The following PTOV1 variants were observed in gnomAD, a reference collection of about 807,000 sequenced individuals.
PTOV1 encodes the protein prostate tumor-overexpressed gene 1 protein.
In PTOV1, 20 loss-of-function variants were observed where a neutral mutation model predicts 58.0. The observed-to-expected ratio is 0.34, with a 90% CI of 0.24 to 0.50. The LOEUF is 0.50. Among genes scored for constraint, PTOV1 ranks in the 20% least tolerant of loss-of-function variants. The pLI is 0.98. For missense variants in PTOV1, 593 were observed against 565.4 expected, an observed-to-expected ratio of 1.05 and a Z score of -0.50; for synonymous variants, 335 against 234.2, an observed-to-expected ratio of 1.43 and a Z score of -3.93.
At chr19:49,859,871 A>T (rs1477181479) in intron 10 of PTOV1, 115 bp from the exon 11 acceptor site, 9 of 1,144,146 alleles carry the variant, frequency 7.9e-6, no homozygotes, top group Non-Finnish European at 1.0e-5. Flanking sequence ...GGGGGGTGTG[A>T]GGACAGAGCA....
chr19:49,850,946 A>T (rs755509731), upstream of PTOV1: 5 of 1,534,764 alleles, frequency 3.3e-6, no homozygotes, highest in South Asian at 1.2e-5. Flanking sequence ...TTCTTCTGCC[A>T]CCCCATTCGG....
intron 6 of PTOV1, chr19:49,857,347 G>A (rs546652273): frequency 1.6e-5 from 11 of 675,902 alleles, no homozygotes; most frequent in African/African-American, 5.4e-5. Context: ...GTCTTGGCGC[G>A]GCGGCAGGGA....
At chr19:49,859,812 T>G in intron 10 of PTOV1, 174 bp from the exon 11 acceptor site, 1 of 671,546 alleles carries the variant, frequency 1.5e-6, no homozygotes. Flanking sequence ...CACCCATTGC[T>G]CTTGGCCACC....
At chr19:49,856,684 G>A in intron 5 of PTOV1, 1 of 413,518 alleles carries the variant, frequency 2.4e-6, no homozygotes, top group South Asian at 3.2e-5. Context: ...AGGCAGTCAG[G>A]AGGGCTGGCG....
rs368050169 is a variant in PTOV1, at chr19:49,857,926, G to A, written c.827G>A (p.Arg276Gln). 27 of 1,613,876 alleles carry A rather than the reference G, an allele frequency of 1.7e-5. No individual in the cohort carries two copies. The highest frequency in any genetic ancestry group is 1.0e-4 in the Admixed American group (6 of 59,996). The change falls in exon 8 of 12, where the codon CGG becomes CAG. Residue 276 changes from arginine (R) to glutamine (Q), a missense_variant. Coordinates refer to ENST00000391842, the Ensembl canonical transcript of PTOV1. ...AAGCCCAGGCCTGAGCCCAACAGTC[G>A]GTCCAAGAGGTGGCTGCCATCCCAC...
At chr19:49,858,727 C>A in intron 10 of PTOV1, 74 bp downstream of exon 10, 2 of 1,265,384 alleles carry the variant, frequency 1.6e-6, no homozygotes, top group South Asian at 1.3e-5. Flanking sequence ...CGGGGGCGGA[C>A]ATGGGAGAGG....
intron 1 of PTOV1, among the ~76,000 whole-genome samples, chr19:49,854,064 C>T (rs1418245219): frequency 1.3e-5 from 2 of 152,234 alleles, no homozygotes; most frequent in African/African-American, 2.4e-5. Context: ...AAGCCCCCTA[C>T]AGCTGGCTTC....
exon 2 of PTOV1, chr19:49,854,488 A>T: frequency 1.2e-6 from 2 of 1,612,792 alleles, no homozygotes; most frequent in Non-Finnish European, 1.7e-6. Flanking sequence ...GCCGTGAGCG[A>T]GCACCGGCTC....
intron 1 of PTOV1, among the ~76,000 whole-genome samples, chr19:49,853,739 T>G (rs2122189686): frequency 6.6e-6 from 1 of 152,350 alleles, no homozygotes; most frequent in African/African-American, 2.4e-5. Flanking sequence ...GAGACCCCTC[T>G]GGGGGTGGTG....
At chr19:49,853,594 G>A (rs2074342865) in intron 1 of PTOV1, among the ~76,000 whole-genome samples, 2 of 149,582 alleles carry the variant, frequency 1.3e-5, no homozygotes, top group South Asian at 2.2e-4. Context: ...TCCAGTCTGG[G>A]AAATGAGTGA....
rs2074377235 is a variant in PTOV1, at chr19:49,854,551, T to C, written c.309+8T>C. On this transcript the variant is annotated splice_region_variant and intron_variant, in intron 2 of 11. Coordinates refer to ENST00000391842, the Ensembl canonical transcript of PTOV1. Reference sequence around the variant, plus strand: ...GTCCTCGAGTGGCAGGAGGTGAGTCTCTGTGGGGCTGCGGCTGGCCTCCAG... The same window carrying C: ...GTCCTCGAGTGGCAGGAGGTGAGTCCCTGTGGGGCTGCGGCTGGCCTCCAG... 2.5e-6 allele frequency: 4 copies of C among 1,612,506 alleles called. No homozygotes were observed. Among genetic ancestry groups the C allele is most frequent in the Admixed American group, 1.7e-5 (1 of 59,962 alleles).
At chr19:49,858,749 A>G (rs942412796) in intron 10 of PTOV1, 96 bp downstream of exon 10, 11 of 1,061,070 alleles carry the variant, frequency 1.0e-5, no homozygotes, top group South Asian at 2.8e-5. Context: ...ACAGAGCACC[A>G]TGTCCCAGAC....
chr19:49,851,035 C>T (rs1338255662), upstream of PTOV1: 27 of 1,521,710 alleles, frequency 1.8e-5, no homozygotes, highest in Non-Finnish European at 2.3e-5. Flanking sequence ...CCGGAGAGGC[C>T]CGCAGGACCG....
chr19:49,854,849 G>A (rs371342339), exon 4 of PTOV1: 212 of 1,613,162 alleles, frequency 1.3e-4, no homozygotes, highest in Middle Eastern at 1.6e-4. Context: ...ACCAGTGGCC[G>A]CAGAAGCTGA....
chr19:49,851,152 T>C, upstream of PTOV1: 5 of 1,297,634 alleles, frequency 3.9e-6, no homozygotes, highest in Non-Finnish European at 4.9e-6. Context: ...GCTCCCCCGC[T>C]CGCCTCAGTG....
intron 5 of PTOV1, among the ~76,000 whole-genome samples, chr19:49,855,848 C>G (rs1291763142): frequency 6.6e-6 from 1 of 151,992 alleles, no homozygotes; most frequent in East Asian, 1.9e-4. Flanking sequence ...CTGGGTGAAC[C>G]CAGCTGGTGA....
At chr19:49,854,262 C>T (rs910095040) in intron 1 of PTOV1, 144 bp from the exon 2 acceptor site, 5 of 1,089,968 alleles carry the variant, frequency 4.6e-6, no homozygotes, top group Non-Finnish European at 6.7e-6. Context: ...GAGGGGTGAG[C>T]AGAGGGTTTG....
chr19:49,859,444 AGCCAGGCATGATG>A lies in PTOV1; in HGVS notation c.1042-537_1042-525del, dbSNP rs199813293. ...CGTCTCTACTAAAAATACAAAAATT[AGCCAGGCATGATG>A]GCCACTCAGGAGGCTGAGTCACAAG... On this transcript the variant is annotated intron_variant, in intron 10 of 11. Coordinates refer to ENST00000391842, the Ensembl canonical transcript of PTOV1. Among the ~76,000 whole-genome samples the A allele has an allele frequency of 4.9e-3, 743 of 152,208 alleles. 4 individuals carry two copies. The highest frequency in any genetic ancestry group is 0.017 in the African/African-American group (706 of 41,512).
exon 8 of PTOV1, chr19:49,857,911 C>T (rs767010560): frequency 6.2e-7 from 1 of 1,613,792 alleles, no homozygotes; most frequent in South Asian, 1.1e-5. Context: ...AAGCCCAGGC[C>T]TGAGCCCAAC....
Sources: allele counts gnomAD v4.1 joint callset (sites outside exome capture counted in the v4.1 genomes callset), GRCh38; gene constraint gnomAD v4.1.1; transcripts MANE v1.5; gene names NCBI Gene and HGNC (gene_info 2026-07-23, HGNC 2026-07-21).